The following UTP18 variants were observed in gnomAD, a reference collection of about 807,000 sequenced individuals.
The protein encoded by UTP18 is U3 small nucleolar RNA-associated protein 18 homolog.
In UTP18, 36 loss-of-function variants were observed where a neutral mutation model predicts 61.1. The ratio of observed to expected loss-of-function variants is 0.59; its 90% CI spans 0.45 to 0.78. The LOEUF (loss-of-function observed/expected upper bound fraction) is 0.78. Ranked by LOEUF, UTP18 falls within the 30% of genes least tolerant of loss-of-function variation. The pLI, the probability that UTP18 is intolerant of heterozygous loss-of-function variation, is 0.00. For missense variants in UTP18, 753 were observed against 693.9 expected (o/e 1.09, Z -0.96); for synonymous variants, 282 against 251.1 (o/e 1.12, Z -1.16).
Position 51,275,950 on chromosome 17 carries a change from G to C in UTP18, c.796G>C (p.Val266Leu), listed in dbSNP as rs757802057. The change falls in exon 6 of 14, where the codon GTG becomes CTG. Residue 266 changes from valine to leucine, a missense_variant. Transcript: ENST00000225298. ...GCAGTTCCATCCCGGTGCACAGATT[G>C]TGATGGTTGCTGGATTAGATAATGC... The part of the protein sequence containing the change: ...SVQFHPGAQI[V>L]MVAGLDNAVS... The C allele has an allele frequency of 6.2e-7, 1 of 1,612,918 alleles. No individual in the cohort carries two copies. Among genetic ancestry groups the C allele is most frequent in the East Asian group, 2.2e-5 (1 of 44,772 alleles).
chr17:51,264,028 C>CT lies in UTP18; in HGVS notation c.455+655dup, dbSNP rs1243046042. On this transcript the variant is annotated intron_variant, in intron 2 of 13. Coordinates refer to ENST00000225298, the MANE Select transcript of UTP18 (RefSeq NM_016001.3). ...ATTGTTGGGTAGATTTTCTTTTTCCCTTTTTTTTTTTTTAATTATTTTTTT... is the reference window on the plus strand; with the variant it reads ...ATTGTTGGGTAGATTTTCTTTTTCCCTTTTTTTTTTTTTTAATTATTTTTTT... Among the ~76,000 whole-genome samples, 231 of 143,656 alleles carry CT rather than the reference C, an allele frequency of 1.6e-3. 2 individuals are homozygous for CT. The highest frequency in any genetic ancestry group is 3.8e-3 in the East Asian group (19 of 4,998). The allele number at this position is 143,656 out of a possible 152,430, so 94.2% of individuals were successfully genotyped here.
intron 11 of UTP18, among the ~76,000 whole-genome samples, chr17:51,289,632 CATT>C (rs113841947): frequency 2.6e-5 from 4 of 152,292 alleles, no homozygotes; most frequent in African/African-American, 9.6e-5. Context: ...CCAATTTTCT[CATT>C]CATTTAACAA....
chr17:51,260,713 C>T lies in UTP18; in HGVS notation c.129C>T (p.Ala43=), dbSNP rs1424580874. Residue 43 remains alanine, a synonymous_variant, in exon 1 of 14, where the codon GCC becomes GCT. Coordinates refer to ENST00000225298, the MANE Select transcript of UTP18 (RefSeq NM_016001.3). ...CAGGCGGGCCTCCCCAAAAGCCTGCCCCTTCATCCCAGCGGAAACCGCCGG... is the reference window on the plus strand; with the variant it reads ...CAGGCGGGCCTCCCCAAAAGCCTGCTCCTTCATCCCAGCGGAAACCGCCGG... The part of the protein sequence containing the change: ...AGPGGPPQKP[A]PSSQRKPPAR... 4.4e-6 allele frequency: 7 copies of T among 1,600,624 alleles called. No individual in the cohort carries two copies. Among genetic ancestry groups the T allele is most frequent in the Non-Finnish European group, 6.0e-6 (7 of 1,174,564 alleles).
rs8076463 is a variant in UTP18, at chr17:51,261,736, C to G, written c.342+810C>G. ...AAGGGAGATGGGCGTGTGTAGAGGC[C>G]TGTGAAATTTTAGATAAAGGGGGCA... is the stretch of plus-strand genomic sequence containing the variant. On this transcript the variant is annotated intron_variant, in intron 1 of 13. Transcript: ENST00000225298. 5.9e-5 allele frequency among the ~76,000 whole-genome samples: 9 copies of G among 151,878 alleles called. 1 individual carries two copies. Among genetic ancestry groups the G allele is most frequent in the African/African-American group, 2.2e-4 (9 of 41,340 alleles).
At chr17:51,279,867 T>C (rs956453724) in intron 7 of UTP18, 138 bp from the exon 8 acceptor site, 4 of 686,168 alleles carry the variant, frequency 5.8e-6, no homozygotes, top group East Asian at 2.7e-5. Context: ...TTTAGACTTA[T>C]TCGGGGTCTG....
chr17:51,280,135 C>T (rs1263412585), intron 8 of UTP18, 30 bp downstream of exon 8: 1 of 1,587,758 alleles, frequency 6.3e-7, no homozygotes, highest in Admixed American at 1.7e-5. Flanking sequence ...TCTTGTTCTT[C>T]TCCCACAAGA....
intron 9 of UTP18, among the ~76,000 whole-genome samples, chr17:51,282,985 C>T (rs1402251074): frequency 6.6e-6 from 1 of 151,126 alleles, no homozygotes; most frequent in East Asian, 2.0e-4. Flanking sequence ...TCTCCTGCCT[C>T]AGCCTCCTGA....
At chr17:51,266,608 A>G (rs1012034777) in intron 3 of UTP18, among the ~76,000 whole-genome samples, 1 of 152,152 alleles carries the variant, frequency 6.6e-6, no homozygotes, top group African/African-American at 2.4e-5. Flanking sequence ...GGTTTTTAAC[A>G]TTTTGTCATA....
chr17:51,285,174 G>GA (rs1187275300), intron 9 of UTP18, 71 bp from the exon 10 acceptor site: 3 of 1,572,956 alleles, frequency 1.9e-6, no homozygotes, highest in Non-Finnish European at 2.6e-6. Context: ...GAGGGACTGA[G>GA]AGTGGCCAGT....
chr17:51,284,501 T>C (rs992224125), intron 9 of UTP18, among the ~76,000 whole-genome samples: 1 of 152,216 alleles, frequency 6.6e-6, no homozygotes, highest in African/African-American at 2.4e-5. Context: ...TCCATCATCA[T>C]TAACATTTTG....
intron 10 of UTP18, chr17:51,286,524 C>A (rs140184058): frequency 2.2e-6 from 1 of 456,248 alleles, no homozygotes; most frequent in Non-Finnish European, 4.4e-6. Context: ...TCCCTACCAC[C>A]GTTTGCAAAT....
At chr17:51,276,064 A>G in intron 6 of UTP18, 73 bp downstream of exon 6, 1 of 1,429,932 alleles carries the variant, frequency 7.0e-7, no homozygotes, top group Admixed American at 2.4e-5. Context: ...TGCAACCCCA[A>G]ATGCAAAAAT....
Position 51,260,694 on chromosome 17 carries a change from G to A in UTP18, c.110G>A (p.Gly37Glu), listed in dbSNP as rs1555704948. The A allele has an allele frequency of 3.1e-6, 5 of 1,606,562 alleles. No individual in the cohort carries two copies. The highest frequency in any genetic ancestry group is 2.2e-5 in the South Asian group (2 of 90,306). ...PDWKAGAGPG[G>E]PPQKPAPSSQ... ...TGGAAAGCCGGAGCGGGGCCAGGCGGGCCTCCCCAAAAGCCTGCCCCTTCA... is the reference window on the plus strand; with the variant it reads ...TGGAAAGCCGGAGCGGGGCCAGGCGAGCCTCCCCAAAAGCCTGCCCCTTCA... The change falls in exon 1 of 14, where the codon GGG (glycine) becomes GAG (glutamate). Residue 37 changes from glycine to glutamate, a missense_variant. Transcript: ENST00000225298.
chr17:51,261,849 C>T (rs2055495963), intron 1 of UTP18, among the ~76,000 whole-genome samples: 1 of 151,916 alleles, frequency 6.6e-6, no homozygotes. Context: ...GAGCCGCCTT[C>T]GGGTGCTTGT....
chr17:51,288,761 A>G (rs1463715652), intron 11 of UTP18, among the ~76,000 whole-genome samples: 2 of 152,208 alleles, frequency 1.3e-5, no homozygotes, highest in East Asian at 3.9e-4. Flanking sequence ...ACTCATGGCT[A>G]AAATGTATTG....
chr17:51,270,933 G>A (rs1904508861), intron 4 of UTP18, among the ~76,000 whole-genome samples: 1 of 152,114 alleles, frequency 6.6e-6, no homozygotes, highest in Non-Finnish European at 1.5e-5. Flanking sequence ...CTTGTTGAAG[G>A]TATACTTATT....
At chr17:51,295,105 T>G (rs902950501) in intron 12 of UTP18, among the ~76,000 whole-genome samples, 4 of 152,236 alleles carry the variant, frequency 2.6e-5, no homozygotes, top group African/African-American at 9.6e-5. Context: ...ATTAGCCCTT[T>G]GTCAGATGAG....
chr17:51,274,222 C>T (rs1231815792), intron 5 of UTP18, among the ~76,000 whole-genome samples: 2 of 152,156 alleles, frequency 1.3e-5, no homozygotes, highest in Non-Finnish European at 2.9e-5. Flanking sequence ...CTAGCTCATT[C>T]TTACCTTTCT....
intron 12 of UTP18, among the ~76,000 whole-genome samples, chr17:51,294,838 A>G (rs1050093588): frequency 4.0e-5 from 6 of 151,878 alleles, no homozygotes; most frequent in Non-Finnish European, 5.9e-5. Context: ...AAGTGTTCCT[A>G]TTTCTCCACA....
Sources: allele counts gnomAD v4.1 joint callset (sites outside exome capture counted in the v4.1 genomes callset), GRCh38; gene constraint gnomAD v4.1.1; transcripts MANE v1.5; gene names NCBI Gene and HGNC (gene_info 2026-07-23, HGNC 2026-07-21).